Variants in TBC1D16 observed in about 807,000 individuals in gnomAD.
TBC1D16 encodes the protein CTD-2529O21.1.
TBC1D16 carries 58 observed loss-of-function variants against 74.7 expected under a neutral mutation model. That is an observed-to-expected ratio of 0.78 (90% CI 0.63 to 0.97). TBC1D16 has a LOEUF of 0.97. TBC1D16 is among the 50% of genes least tolerant of loss of function. The pLI, the probability that TBC1D16 is intolerant of heterozygous loss-of-function variation, is 0.00. For missense variants in TBC1D16, 1,014 were observed against 1,079.5 expected (o/e 0.94, Z 0.85); for synonymous variants, 493 against 474.7 (o/e 1.04, Z -0.50).
chr17:79,994,729 T>A lies in TBC1D16; in HGVS notation c.779+15431A>T, dbSNP rs370228053. Among the ~76,000 whole-genome samples, 1 of 152,200 alleles carries A rather than the reference T, an allele frequency of 6.6e-6. No homozygotes were observed. Among genetic ancestry groups the A allele is most frequent in the East Asian group, 1.9e-4 (1 of 5,144 alleles). ...GTGAGCCATTGCGCCCGGCCGAGAA[T>A]GTTTTTTCAAAAAAGCAGGTCGCCA... On this transcript the variant is annotated intron_variant, in intron 3 of 11. Coordinates refer to ENST00000310924, the MANE Select transcript of TBC1D16 (RefSeq NM_019020.4). The surrounding 1 kb of genome is among the most constrained non-coding windows in gnomAD (Gnocchi z 4.6).
intron 1 of TBC1D16, among the ~76,000 whole-genome samples, chr17:80,017,100 C>A (rs1050757464): frequency 1.3e-5 from 2 of 152,108 alleles, no homozygotes; most frequent in African/African-American, 4.8e-5. Flanking sequence ...TTTAGGCTCC[C>A]TCAACATGTC....
At position 79,952,724 on chromosome 17, in the gene TBC1D16, G is replaced by C; in HGVS notation, c.874C>G (p.Leu292Val). The C allele has an allele frequency of 6.2e-7, 1 of 1,612,416 alleles. No individual in the cohort carries two copies. The highest frequency in any genetic ancestry group is 8.5e-7 in the Non-Finnish European group (1 of 1,179,300). The change falls in exon 4 of 12, where the codon CTG (leucine) becomes GTG (valine). Residue 292 changes from leucine (L) to valine (V), a missense_variant. Physicochemically the swap from Leu to Val is conservative, Grantham distance 32 (BLOSUM62 1). Transcript: ENST00000310924. ...RWDEPQRVCA[L>V]EQICGVFRVD... ...CGGAACACGCCGCAAATCTGCTCCA[G>C]GGCGCACACCCGCTGCGGCTCGTCC...
In TBC1D16 at chr17:79,944,372, G is replaced by C. The variant is rs1259743511; in HGVS notation, c.1908+536C>G. Among the ~76,000 whole-genome samples, 1 of 152,210 alleles carries C rather than the reference G, an allele frequency of 6.6e-6. No individual in the cohort carries two copies. Among genetic ancestry groups the C allele is most frequent in the South Asian group, 2.1e-4 (1 of 4,830 alleles). On this transcript the variant is annotated intron_variant, in intron 10 of 11. Transcript: ENST00000310924. This position sits in a 1 kb window ranked among gnomAD's most constrained non-coding sequence, Gnocchi z 7.7. Reference sequence around the variant, plus strand: ...GCGTTAAGGCCATGTGACAGAGCCAGTGCTGTGCTCCAAGGGGAATTTGCT... The same window carrying C: ...GCGTTAAGGCCATGTGACAGAGCCACTGCTGTGCTCCAAGGGGAATTTGCT...
intron 1 of TBC1D16, among the ~76,000 whole-genome samples, chr17:80,021,042 C>T (rs1179727038): frequency 1.3e-5 from 2 of 149,870 alleles, no homozygotes; most frequent in Admixed American, 6.6e-5. Context: ...CACCTGAGGT[C>T]GGGAGTTCGA....
rs2034489554 is a variant in TBC1D16, at chr17:79,979,563, C to T, written c.780-26745G>A. Among the ~76,000 whole-genome samples, 1 of 152,110 alleles carries T rather than the reference C, an allele frequency of 6.6e-6. No homozygotes were observed. The highest frequency in any genetic ancestry group is 1.5e-5 in the Non-Finnish European group (1 of 68,024). The stretch of plus-strand genomic sequence containing the variant: ...CAAACAGTCAATTAGTATCCAAATA[C>T]TTTTAGGGGACAGAAAGACGCTCAC... On this transcript the variant is annotated intron_variant, in intron 3 of 11. Transcript: ENST00000310924. The surrounding 1 kb of genome is among the most constrained non-coding windows in gnomAD (Gnocchi z 4.8).
At position 79,954,823 on chromosome 17, in the gene TBC1D16, C is replaced by T. The variant is rs992395417; in HGVS notation, c.780-2005G>A. Among the ~76,000 whole-genome samples the T allele has an allele frequency of 6.6e-6, 1 of 152,126 alleles. No individual in the cohort carries two copies. Among genetic ancestry groups the T allele is most frequent in the Non-Finnish European group, 1.5e-5 (1 of 68,006 alleles). On this transcript the variant is annotated intron_variant, in intron 3 of 11. Transcript: ENST00000310924. This position sits in a 1 kb window ranked among gnomAD's most constrained non-coding sequence, Gnocchi z 5.5. Reference sequence around the variant, plus strand: ...CTTTCCCGCCTCCTCCCCCAGCCTTCTTACCACACCCAACAGCAGAATCCC... The same window carrying T: ...CTTTCCCGCCTCCTCCCCCAGCCTTTTTACCACACCCAACAGCAGAATCCC...
Position 80,010,216 on chromosome 17 carries a change from G to A in TBC1D16, c.723C>T (p.Pro241=), listed in dbSNP as rs756418174. The A allele has an allele frequency of 6.2e-7, 1 of 1,613,180 alleles. No homozygotes were observed. The part of the protein sequence containing the change: ...DTFSSPFCLS[P]ISAALAESRG... Reference sequence around the variant, plus strand: ...GGCTCTCGGCCAGCGCCGCGCTGATGGGCGAGAGGCAGAAGGGCGAGGAGA... The same window carrying A: ...GGCTCTCGGCCAGCGCCGCGCTGATAGGCGAGAGGCAGAAGGGCGAGGAGA... The change falls in exon 3 of 12, where the codon CCC becomes CCT. Residue 241 remains proline, a synonymous_variant. Transcript: ENST00000310924. The surrounding 1 kb of genome is among the most constrained non-coding windows in gnomAD (Gnocchi z 8.8).
rs1037682601 is a variant in TBC1D16 at position 79,944,514 on chromosome 17, C to G, written c.1908+394G>C. 6.6e-6 allele frequency among the ~76,000 whole-genome samples: 1 copy of G among 152,126 alleles called. No individual in the cohort carries two copies. The highest frequency in any genetic ancestry group is 1.5e-5 in the Non-Finnish European group (1 of 68,024). Reference sequence around the variant, plus strand: ...GCCCTTTCTCTGCACAGCAGGGTAACGGGTGAGTCGGCCCTCGTGGCAGGG... The same window carrying G: ...GCCCTTTCTCTGCACAGCAGGGTAAGGGGTGAGTCGGCCCTCGTGGCAGGG... On this transcript the variant is annotated intron_variant, in intron 10 of 11. Coordinates refer to ENST00000310924, the MANE Select transcript of TBC1D16 (RefSeq NM_019020.4). This position sits in a 1 kb window ranked among gnomAD's most constrained non-coding sequence, Gnocchi z 7.7.
Position 79,952,711 on chromosome 17 carries a change from C to T in TBC1D16, c.887G>A (p.Cys296Tyr), listed in dbSNP as rs762764896. Residue 296 changes from cysteine to tyrosine, a missense_variant, in exon 4 of 12, where the codon TGC becomes TAC. By Grantham distance (194) the Cys-to-Tyr change is radical. Transcript: ENST00000310924. ...PQRVCALEQI[C>Y]GVFRVDLGHM... ...GCCCAGGTCCACGCGGAACACGCCGCAAATCTGCTCCAGGGCGCACACCCG... is the reference window on the plus strand; with the variant it reads ...GCCCAGGTCCACGCGGAACACGCCGTAAATCTGCTCCAGGGCGCACACCCG... The T allele has an allele frequency of 2.5e-6, 4 of 1,611,768 alleles. No individual in the cohort carries two copies. Among genetic ancestry groups the T allele is most frequent in the Non-Finnish European group, 3.4e-6 (4 of 1,178,828 alleles).
In TBC1D16 at chr17:79,979,690, T is replaced by C. The variant is rs1016725709; in HGVS notation, c.780-26872A>G. 2.6e-5 allele frequency among the ~76,000 whole-genome samples: 4 copies of C among 151,912 alleles called. No homozygotes were observed. Among genetic ancestry groups the C allele is most frequent in the Non-Finnish European group, 4.4e-5 (3 of 67,986 alleles). ...GCTGGGACATCAGCCCGGAAAGGAA[T>C]GTAACCTGTCAGGCCGCAAATCCCA... On this transcript the variant is annotated intron_variant, in intron 3 of 11. Transcript: ENST00000310924. This position sits in a 1 kb window ranked among gnomAD's most constrained non-coding sequence, Gnocchi z 4.8.
intron 1 of TBC1D16, among the ~76,000 whole-genome samples, chr17:80,027,817 G>A (rs34185812): frequency 0.22 from 32,931 of 149,058 alleles, 4,131 homozygotes; most frequent in Middle Eastern, 0.34. Flanking sequence ...GCTTGAACCC[G>A]GGAGGCAGAG....
intron 1 of TBC1D16, among the ~76,000 whole-genome samples, chr17:80,034,163 G>A (rs2036863805): frequency 6.6e-6 from 1 of 151,710 alleles, no homozygotes; most frequent in African/African-American, 2.4e-5. Context: ...AATTGCTAGA[G>A]GATTAAATAA....
intron 3 of TBC1D16, among the ~76,000 whole-genome samples, chr17:79,978,182 C>A (rs530353338): frequency 6.6e-6 from 1 of 152,254 alleles, no homozygotes; most frequent in Non-Finnish European, 1.5e-5. Flanking sequence ...AGCAGCAAGG[C>A]CGGAAAATAC....
intron 1 of TBC1D16, among the ~76,000 whole-genome samples, chr17:80,032,495 C>A (rs190936848): frequency 6.6e-6 from 1 of 152,144 alleles, no homozygotes; most frequent in Non-Finnish European, 1.5e-5. Context: ...GAGTAAAGAA[C>A]GTATTTCAAA....
At chr17:79,960,775 AACCC>A in intron 3 of TBC1D16, among the ~76,000 whole-genome samples, 2 of 115,182 alleles carry the variant, frequency 1.7e-5, no homozygotes, top group African/African-American at 7.6e-5. Flanking sequence ...AAAAAACAAA[AACCC>A]AAAAAAAAAA....
Position 79,932,474 on chromosome 17 carries a change from G to A in TBC1D16, c.*8385C>T, listed in dbSNP as rs1020347066. On this transcript the variant is annotated 3_prime_UTR_variant, in exon 12 of 12. Coordinates refer to ENST00000310924, the MANE Select transcript of TBC1D16 (RefSeq NM_019020.4). ...CCCTGTAGCTAGTGTCCAGACACTG[G>A]TCACAGACCTCCACTGAGCCCAGTT... The A allele has an allele frequency of 1.3e-5, 2 of 152,220 alleles. No individual in the cohort carries two copies. The highest frequency in any genetic ancestry group is 2.9e-5 in the Non-Finnish European group (2 of 68,060). The allele number at this position is 152,220 out of a possible 1,614,324, so 9.4% of individuals were successfully genotyped here. A position where few individuals can be genotyped will look rare whatever the true frequency, so the allele number is the denominator to read the frequency against.
chr17:80,032,951 A>C (rs2036824800), intron 1 of TBC1D16, among the ~76,000 whole-genome samples: 1 of 152,192 alleles, frequency 6.6e-6, no homozygotes, highest in East Asian at 1.9e-4. Flanking sequence ...CAACCTGATC[A>C]GCTCTGCTCC....
chr17:79,974,438 A>C (rs2034246906), intron 3 of TBC1D16, among the ~76,000 whole-genome samples: 1 of 151,932 alleles, frequency 6.6e-6, no homozygotes, highest in Non-Finnish European at 1.5e-5. Context: ...GGGTTTCCCC[A>C]TGCTGCCCAG....
At chr17:80,027,589 C>A (rs1172277448) in intron 1 of TBC1D16, among the ~76,000 whole-genome samples, 1 of 151,696 alleles carries the variant, frequency 6.6e-6, no homozygotes, top group Non-Finnish European at 1.5e-5. Context: ...CAGAGCAAGA[C>A]CCTGTCTCAA....
Sources: gnomAD v4.1 joint callset for allele counts (sites outside exome capture counted in the v4.1 genomes callset) on GRCh38, gnomAD v4.1.1 for gene constraint, Gnocchi (gnomAD v3.1) non-coding constraint, MANE v1.5 for transcripts, NCBI Gene and HGNC (gene_info 2026-07-23, HGNC 2026-07-21) for gene names.